The following ANXA10 variants were observed in gnomAD, a reference collection of about 807,000 sequenced individuals.
ANXA10 encodes annexin A10.
In ANXA10, 49 loss-of-function variants were observed where a neutral mutation model predicts 53.5. That is an observed-to-expected ratio of 0.92 (90% confidence interval 0.73 to 1.16). The LOEUF (loss-of-function observed/expected upper bound fraction) is 1.16, where lower values mean the gene tolerates loss of function less well. Among genes scored for constraint, ANXA10 ranks in the 50% most tolerant of loss-of-function variants. The pLI, the probability that ANXA10 is intolerant of heterozygous loss-of-function variation, is 0.00. For synonymous variants in ANXA10, 131 were observed against 128.9 expected, an observed-to-expected ratio of 1.02 and a Z score of -0.11; for missense variants, 393 against 394.4, an observed-to-expected ratio of 1.00 and a Z score of 0.03.
rs113379407 is a variant in ANXA10, at chr4:168,178,445, C to T, written c.628+462C>T. On this transcript the variant is annotated intron_variant, in intron 8 of 11. Coordinates refer to ENST00000359299, the MANE Select transcript of ANXA10 (RefSeq NM_007193.5). ...CCTTTGTTTGACATTCCCTAAACTACAGTGTCTTTTTCTTTTATTAAAAAA... is the reference window on the plus strand; with the variant it reads ...CCTTTGTTTGACATTCCCTAAACTATAGTGTCTTTTTCTTTTATTAAAAAA... 898 of 153,266 alleles carry T rather than the reference C, an allele frequency of 5.9e-3. 6 individuals are homozygous for T. The highest frequency in any genetic ancestry group is 0.027 in the Middle Eastern group (8 of 298). The allele number at this position is 153,266 out of a possible 1,614,324, so 9.5% of individuals were successfully genotyped here. A position where few individuals can be genotyped will look rare whatever the true frequency, so the allele number is the denominator to read the frequency against.
chr4:168,157,870 C>T lies in ANXA10; in HGVS notation c.196-4658C>T, dbSNP rs562410046. On this transcript the variant is annotated intron_variant, in intron 3 of 11. Coordinates refer to ENST00000359299, the MANE Select transcript of ANXA10 (RefSeq NM_007193.5). The stretch of plus-strand genomic sequence containing the variant: ...ATTCATTCACCTGTTGATGGACATT[C>T]ATTTTCAATTTGGGATTATTATGAA... Among the ~76,000 whole-genome samples the T allele has an allele frequency of 2.0e-5, 3 of 152,144 alleles. No individual in the cohort carries two copies. The East Asian group carries it at 5.8e-4, about 29-fold the overall frequency.
chr4:168,126,503 A>G (rs150005506), intron 1 of ANXA10, among the ~76,000 whole-genome samples: 143 of 152,204 alleles, frequency 9.4e-4, no homozygotes, highest in African/African-American at 3.3e-3. Context: ...CTCCAACTCT[A>G]TCTTTTGCAT....
At chr4:168,151,557 T>G (rs560123024) in intron 3 of ANXA10, among the ~76,000 whole-genome samples, 1 of 152,294 alleles carries the variant, frequency 6.6e-6, no homozygotes, top group East Asian at 1.9e-4. Context: ...TTAGGGCAAG[T>G]CTTCGGAATA....
intron 1 of ANXA10, among the ~76,000 whole-genome samples, chr4:168,096,162 G>C (rs896521274): frequency 3.3e-5 from 5 of 152,184 alleles, no homozygotes; most frequent in Non-Finnish European, 5.9e-5. Flanking sequence ...CATGGGAGGA[G>C]AGGCTGTTGA....
chr4:168,172,378 T>C (rs116828651), intron 6 of ANXA10, among the ~76,000 whole-genome samples: 10 of 152,356 alleles, frequency 6.6e-5, no homozygotes, highest in African/African-American at 2.4e-4. Flanking sequence ...TGCAGAAAAT[T>C]CTTAAATATC....
intron 2 of ANXA10, among the ~76,000 whole-genome samples, chr4:168,133,426 T>G (rs1273204504): frequency 1.3e-5 from 2 of 152,102 alleles, no homozygotes; most frequent in African/African-American, 4.8e-5. Context: ...GCTGAATTTT[T>G]GGGTTCTTGA....
chr4:168,121,627 T>C (rs756029187), intron 1 of ANXA10, among the ~76,000 whole-genome samples: 6 of 152,192 alleles, frequency 3.9e-5, no homozygotes, highest in South Asian at 2.1e-4. Flanking sequence ...GAGCTAAAAA[T>C]TGAGAACATT....
intron 2 of ANXA10, 70 bp downstream of exon 2, chr4:168,128,235 T>C: frequency 8.2e-7 from 1 of 1,212,644 alleles, no homozygotes. Flanking sequence ...AAGACTATAC[T>C]GTGGGTATAA....
At chr4:168,149,890 A>T (rs1168855373) in intron 3 of ANXA10, among the ~76,000 whole-genome samples, 1 of 152,244 alleles carries the variant, frequency 6.6e-6, no homozygotes, top group South Asian at 2.1e-4. Flanking sequence ...TCACGCTGCT[A>T]CTGAGGATAC....
At chr4:168,177,537 T>TA (rs1333602311) in intron 6 of ANXA10, among the ~76,000 whole-genome samples, 1 of 152,074 alleles carries the variant, frequency 6.6e-6, no homozygotes, top group Non-Finnish European at 1.5e-5. Flanking sequence ...AAAGGTAAAA[T>TA]AAAATAATGC....
At chr4:168,169,740 G>C (rs58049441) in intron 6 of ANXA10, among the ~76,000 whole-genome samples, 1 of 152,078 alleles carries the variant, frequency 6.6e-6, no homozygotes. Flanking sequence ...GAATTGTACT[G>C]CTCCTATCTC....
At chr4:168,134,017 G>A (rs535215811) in intron 2 of ANXA10, among the ~76,000 whole-genome samples, 62 of 152,038 alleles carry the variant, frequency 4.1e-4, no homozygotes, top group African/African-American at 1.4e-3. Context: ...AGAAATTCAA[G>A]TTTAATAAAA....
intron 10 of ANXA10, among the ~76,000 whole-genome samples, chr4:168,182,650 T>A (rs1017667407): frequency 4.7e-5 from 7 of 150,148 alleles, no homozygotes; most frequent in South Asian, 4.3e-4. Context: ...TTCATTTTTT[T>A]AAAAAACAAA....
intron 1 of ANXA10, among the ~76,000 whole-genome samples, chr4:168,105,817 G>C (rs941309785): frequency 6.6e-6 from 1 of 152,064 alleles, no homozygotes; most frequent in African/African-American, 2.4e-5. Flanking sequence ...ATTCTGATTG[G>C]TGTGAGATGA....
chr4:168,114,963 C>T (rs1325885148), intron 1 of ANXA10, among the ~76,000 whole-genome samples: 4 of 152,098 alleles, frequency 2.6e-5, no homozygotes, highest in Non-Finnish European at 4.4e-5. Context: ...TCTCAGCTCA[C>T]CACAACCTCT....
Position 168,098,825 on chromosome 4 carries a change from T to G in ANXA10, c.18+6107T>G, listed in dbSNP as rs1261484231. Among the ~76,000 whole-genome samples the G allele has an allele frequency of 3.9e-5, 6 of 152,244 alleles. No individual in the cohort carries two copies. In the East Asian group the frequency reaches 1.2e-3, roughly 29 times the overall value. On this transcript the variant is annotated intron_variant, in intron 1 of 11. Coordinates refer to ENST00000359299, the MANE Select transcript of ANXA10 (RefSeq NM_007193.5). ...AAAAAAAAGACTATTACAAGTATCA[T>G]GTACAAAACATAAAAGTAAATCCAC...
At chr4:168,156,306 A>AATAGTATATATTATATTATATTATAT (rs1484237009) in intron 3 of ANXA10, among the ~76,000 whole-genome samples, 773 of 66,262 alleles carry the variant, frequency 0.012, 4 homozygotes, top group Non-Finnish European at 0.019. Context: ...TATTATATAT[A>AATAGTATATATTATATTATATTATAT]ATAGTATATA....
At chr4:168,173,219 G>A (rs1578934259) in intron 6 of ANXA10, among the ~76,000 whole-genome samples, 2 of 152,324 alleles carry the variant, frequency 1.3e-5, no homozygotes, top group Middle Eastern at 3.4e-3. Flanking sequence ...GGTATAGCTA[G>A]AGAAAAATGT....
At chr4:168,156,792 C>T (rs1440336617) in intron 3 of ANXA10, among the ~76,000 whole-genome samples, 4 of 151,908 alleles carry the variant, frequency 2.6e-5, no homozygotes, top group African/African-American at 4.8e-5. Flanking sequence ...CATGAGCAAC[C>T]ATGCCCGGCC....
Sources: allele counts gnomAD v4.1 joint callset (sites outside exome capture counted in the v4.1 genomes callset), GRCh38; gene constraint gnomAD v4.1.1; transcripts MANE v1.5; gene names NCBI Gene and HGNC (gene_info 2026-07-23, HGNC 2026-07-21).